PCDHGA1: variants seen among roughly 807,000 people sequenced by gnomAD.
The protein encoded by PCDHGA1 is protocadherin gamma-A1.
In PCDHGA1, 32 loss-of-function variants were observed where a neutral mutation model predicts 58.0. That is an observed-to-expected ratio of 0.55 (90% CI 0.42 to 0.74). The LOEUF (loss-of-function observed/expected upper bound fraction) is 0.74. Among genes scored for constraint, PCDHGA1 ranks in the 30% least tolerant of loss-of-function variants. The probability of loss-of-function intolerance (pLI) is 0.00; values close to 1 mark genes in which losing one functional copy is unlikely to be tolerated. For synonymous variants in PCDHGA1, 498 were observed against 501.1 expected (o/e 0.99, Z 0.08); for missense variants, 1,205 against 1,182.3 (o/e 1.02, Z -0.28).
rs756464724 is a variant in PCDHGA1, at chr5:141,478,476, A to T, written c.2422-16331A>T. The T allele has an allele frequency of 5.0e-6, 8 of 1,613,838 alleles. 1 individual carries two copies. The South Asian group carries it at 7.7e-5, about 16-fold the overall frequency. The stretch of plus-strand genomic sequence containing the variant: ...GCCAGTCCACTGGCCAGCCGCCAGA[A>T]CACGCTGCGGAGCTGTGATCCGGTG... On this transcript the variant is annotated intron_variant, in intron 1 of 3. Transcript: ENST00000517417.
At chr5:141,400,065 A>G (rs1012484805) in intron 1 of PCDHGA1, 3 of 1,613,758 alleles carry the variant, frequency 1.9e-6, no homozygotes, top group African/African-American at 1.3e-5. Flanking sequence ...GTGATGGTGG[A>G]CAGCCGCCAC....
At chr5:141,340,580 A>C in intron 1 of PCDHGA1, 4 of 1,614,224 alleles carry the variant, frequency 2.5e-6, no homozygotes, top group Non-Finnish European at 2.5e-6. Flanking sequence ...AGCGCGGGAC[A>C]GCGGGAACCC....
At chr5:141,413,025 A>G in intron 1 of PCDHGA1, 1 of 740,544 alleles carries the variant, frequency 1.4e-6, no homozygotes, top group Non-Finnish European at 2.1e-6. Context: ...CAAGCCCCAC[A>G]AACCGGCTGC....
At chr5:141,414,242 T>C (rs1412230684) in intron 1 of PCDHGA1, 1 of 1,613,538 alleles carries the variant, frequency 6.2e-7, no homozygotes, top group Admixed American at 1.7e-5. Flanking sequence ...ATCACGTCTC[T>C]ATTTAGTCCA....
chr5:141,365,221 C>T (rs1175888601), intron 1 of PCDHGA1: 1 of 1,613,860 alleles, frequency 6.2e-7, no homozygotes, highest in East Asian at 2.2e-5. Flanking sequence ...TTGATTCCAA[C>T]CTGGGGGAAA....
At position 141,505,451 on chromosome 5, in the gene PCDHGA1, C is replaced by T. The variant is rs1350424069; in HGVS notation, c.2539C>T (p.Leu847=). Residue 847 remains leucine (L), a synonymous_variant, in exon 3 of 4, where the codon CTG becomes TTG. Transcript: ENST00000517417. The part of the protein sequence containing the change: ...WPNNQFDTEM[L]QAMILASASE... ...CAACAACCAGTTTGACACAGAGATG[C>T]TGCAAGCCATGATCTTGGCGTCCGC... The T allele has an allele frequency of 1.2e-6, 2 of 1,614,222 alleles. No individual in the cohort carries two copies. The highest frequency in any genetic ancestry group is 1.7e-6 in the Non-Finnish European group (2 of 1,180,048).
chr5:141,479,767 C>G (rs2099505975), intron 1 of PCDHGA1: 1 of 152,174 alleles, frequency 6.6e-6, no homozygotes, highest in African/African-American at 2.4e-5. Flanking sequence ...AAATTCATAT[C>G]CTTAGACAGG....
At position 141,394,666 on chromosome 5, in the gene PCDHGA1, C is replaced by T. The variant is rs1175831509; in HGVS notation, c.2421+61561C>T. 1.2e-6 allele frequency: 2 copies of T among 1,613,190 alleles called. No homozygotes were observed. ...AAGGCCAGCGAGCCGGGACTCTTCT[C>T]GGTGGGTCTGCACACGGGCGAGGTG... On this transcript the variant is annotated intron_variant, in intron 1 of 3. Transcript: ENST00000517417.
intron 1 of PCDHGA1, chr5:141,370,643 C>T (rs1767087825): frequency 6.2e-7 from 1 of 1,613,934 alleles, no homozygotes; most frequent in African/African-American, 1.3e-5. Flanking sequence ...AAAATGGGAA[C>T]TTACTTGTGA....
chr5:141,345,571 T>A (rs759654962), intron 1 of PCDHGA1: 2 of 1,614,126 alleles, frequency 1.2e-6, no homozygotes, highest in Non-Finnish European at 1.7e-6. Flanking sequence ...AACACTGGCG[T>A]CCTATACGCG....
At chr5:141,401,417 G>A (rs1404967672) in intron 1 of PCDHGA1, among the ~76,000 whole-genome samples, 1 of 152,136 alleles carries the variant, frequency 6.6e-6, no homozygotes, top group Non-Finnish European at 1.5e-5. Flanking sequence ...GAAAGAGAGA[G>A]ACTGATTCAC....
intron 1 of PCDHGA1, chr5:141,415,556 CTT>C: frequency 6.2e-7 from 1 of 1,614,078 alleles, no homozygotes; most frequent in Non-Finnish European, 8.5e-7. Context: ...AAAAACGATC[CTT>C]TGTCTTTGTT....
intron 1 of PCDHGA1, chr5:141,388,676 G>T: frequency 7.4e-6 from 12 of 1,613,944 alleles, no homozygotes; most frequent in Non-Finnish European, 1.0e-5. Context: ...TGCTACAGGT[G>T]ACTGCCACGG....
At chr5:141,423,328 G>C (rs1308803675) in intron 1 of PCDHGA1, 1 of 1,614,194 alleles carries the variant, frequency 6.2e-7, no homozygotes, top group African/African-American at 1.3e-5. Flanking sequence ...GGTGGCCGCA[G>C]TCTCCTGCAT....
In PCDHGA1 at chr5:141,382,905, G is replaced by C. The variant is rs773530372; in HGVS notation, c.2421+49800G>C. On this transcript the variant is annotated intron_variant, in intron 1 of 3. Transcript: ENST00000517417. Reference sequence around the variant, plus strand: ...GCAAGAGAAGCAGGACGACTATGGCGGCTCAGCCGAGGGGCGGGGACTACA... The same window carrying C: ...GCAAGAGAAGCAGGACGACTATGGCCGCTCAGCCGAGGGGCGGGGACTACA... 3.8e-5 allele frequency: 59 copies of C among 1,544,508 alleles called. No individual in the cohort carries two copies. The South Asian group carries it at 5.7e-4, about 15-fold the overall frequency.
Position 141,494,824 on chromosome 5 carries a change from G to A in PCDHGA1, c.2439G>A (p.Thr813=), listed in dbSNP as rs1423741889. The A allele has an allele frequency of 1.8e-5, 29 of 1,613,924 alleles. No homozygotes were observed. Among genetic ancestry groups the A allele is most frequent in the Non-Finnish European group, 2.4e-5 (28 of 1,180,032 alleles). Residue 813 remains threonine (T), a synonymous_variant, in exon 2 of 4, where the codon ACG becomes ACA. Transcript: ENST00000517417. The part of the protein sequence containing the change: ...EPFSQQAPPN[T]DWRFSQAQRP... ...CTCCACAGCAAGCCCCGCCCAACAC[G>A]GACTGGCGTTTCTCTCAGGCCCAGA...
intron 1 of PCDHGA1, chr5:141,333,897 C>T (rs1756491791): frequency 6.6e-6 from 1 of 152,098 alleles, no homozygotes; most frequent in Non-Finnish European, 1.5e-5. Context: ...ACAAAATGAA[C>T]AACACAAAAT....
In PCDHGA1 at chr5:141,476,789, T is replaced by A. The variant is rs762462741; in HGVS notation, c.2422-18018T>A. On this transcript the variant is annotated intron_variant, in intron 1 of 3. Coordinates refer to ENST00000517417, the MANE Select transcript of PCDHGA1 (RefSeq NM_018912.3). The surrounding 1 kb of genome is among the most constrained non-coding windows in gnomAD (Gnocchi z 7.6). ...GTTGGACGGAGGGACCCCAGCTCTCTCCGCCAGCCTGCCTATTCACATCAA... is the reference window on the plus strand; with the variant it reads ...GTTGGACGGAGGGACCCCAGCTCTCACCGCCAGCCTGCCTATTCACATCAA... 1.3e-5 allele frequency: 21 copies of A among 1,613,374 alleles called. No individual in the cohort carries two copies. Among genetic ancestry groups the A allele is most frequent in the Non-Finnish European group, 1.7e-5 (20 of 1,180,016 alleles).
intron 1 of PCDHGA1, chr5:141,352,714 G>T (rs776520585): frequency 6.5e-7 from 1 of 1,540,668 alleles, no homozygotes; most frequent in Admixed American, 2.0e-5. Flanking sequence ...TGGCGGCCGG[G>T]CGCGGTGGCT....
Sources: gnomAD v4.1 joint callset for allele counts (sites outside exome capture counted in the v4.1 genomes callset) on GRCh38, gnomAD v4.1.1 for gene constraint, Gnocchi (gnomAD v3.1) non-coding constraint, MANE v1.5 for transcripts, NCBI Gene and HGNC (gene_info 2026-07-23, HGNC 2026-07-21) for gene names.